ANKDD1A: variants seen among roughly 807,000 people sequenced by gnomAD.
ANKDD1A encodes the protein ankyrin repeat and death domain containing 1A.
In ANKDD1A, 59 loss-of-function variants were observed where a neutral mutation model predicts 63.5. The observed-to-expected ratio is 0.93, with a 90% CI of 0.75 to 1.15. The LOEUF (loss-of-function observed/expected upper bound fraction) is 1.15. Ranked by LOEUF, ANKDD1A falls within the 50% of genes most tolerant of loss-of-function variation. The probability of loss-of-function intolerance (pLI) is 0.00; values close to 1 mark genes in which losing one functional copy is unlikely to be tolerated. For synonymous variants in ANKDD1A, 266 were observed against 263.9 expected, an observed-to-expected ratio of 1.01 and a Z score of -0.08; for missense variants, 632 against 656.4, an observed-to-expected ratio of 0.96 and a Z score of 0.41.
At chr15:64,949,730 TCCCA>T in intron 13 of ANKDD1A, 107 bp from the exon 14 acceptor site, 2 of 1,495,938 alleles carry the variant, frequency 1.3e-6, no homozygotes, top group Non-Finnish European at 1.8e-6. Context: ...TTGGCCTCTT[TCCCA>T]CCTGGGCATG....
At chr15:64,913,579 C>T (rs1204410810) in intron 1 of ANKDD1A, among the ~76,000 whole-genome samples, 1 of 152,140 alleles carries the variant, frequency 6.6e-6, no homozygotes, top group Non-Finnish European at 1.5e-5. Context: ...AGAGTTGAAC[C>T]CAGGACTGTG....
intron 14 of ANKDD1A, among the ~76,000 whole-genome samples, chr15:64,952,151 CTCTT>C (rs886635712): frequency 2.2e-5 from 3 of 135,878 alleles, no homozygotes; most frequent in African/African-American, 5.3e-5. Context: ...ATTCTTCTTC[CTCTT>C]TCTTCATCTT....
At position 64,915,872 on chromosome 15, in the gene ANKDD1A, G is replaced by A. The variant is rs2084964887; in HGVS notation, c.110G>A (p.Arg37Lys). The change falls in exon 2 of 15, where the codon AGG (arginine) becomes AAG (lysine). Residue 37 changes from arginine (R) to lysine (K), a missense_variant. By Grantham distance (26) the Arg-to-Lys change is conservative (BLOSUM62 2). Coordinates refer to ENST00000319580, the MANE Select transcript of ANKDD1A (RefSeq NM_182703.6). ...NVGRMQELIG[R>K]RVNTRARNHV... ...GGCAGGATGCAGGAGCTGATTGGGA[G>A]GAGGGTTAACACCAGGGCCAGAAAC... 6.8e-6 allele frequency: 11 copies of A among 1,613,972 alleles called. No individual in the cohort carries two copies. Among genetic ancestry groups the A allele is most frequent in the Non-Finnish European group, 9.3e-6 (11 of 1,179,928 alleles).
intron 9 of ANKDD1A, among the ~76,000 whole-genome samples, chr15:64,937,872 A>T (rs2085147870): frequency 6.6e-6 from 1 of 152,212 alleles, no homozygotes; most frequent in African/African-American, 2.4e-5. Flanking sequence ...TTCTTTGGGA[A>T]AATGGCTCAG....
chr15:64,921,778 A>T, intron 3 of ANKDD1A, 143 bp from the exon 4 acceptor site: 1 of 625,970 alleles, frequency 1.6e-6, no homozygotes, highest in South Asian at 2.4e-5. Context: ...TGGTCTTTAA[A>T]CTCCTAAAGC....
At chr15:64,934,049 C>G in intron 8 of ANKDD1A, 87 bp from the exon 9 acceptor site, 2 of 1,143,506 alleles carry the variant, frequency 1.7e-6, no homozygotes, top group Non-Finnish European at 2.5e-6. Context: ...TTGTGACACT[C>G]AAATGGAAAA....
intron 13 of ANKDD1A, among the ~76,000 whole-genome samples, chr15:64,949,610 A>C (rs574567508): frequency 2.0e-5 from 3 of 152,302 alleles, no homozygotes; most frequent in African/African-American, 7.2e-5. Flanking sequence ...GAGGTTCTAG[A>C]GACCAAGACA....
intron 1 of ANKDD1A, among the ~76,000 whole-genome samples, 177 bp downstream of exon 1, chr15:64,912,141 C>T (rs2084936101): frequency 6.6e-6 from 1 of 152,122 alleles, no homozygotes; most frequent in Non-Finnish European, 1.5e-5. Context: ...GGGGACCTTG[C>T]CAGTGCGTCT....
chr15:64,927,255 G>A (rs1332333727), intron 6 of ANKDD1A, among the ~76,000 whole-genome samples: 3 of 152,244 alleles, frequency 2.0e-5, no homozygotes, highest in Non-Finnish European at 4.4e-5. Flanking sequence ...AGTGCCACAG[G>A]CATAGTAAGG....
At chr15:64,954,272 TTTCTTCTTCC>T (rs2085379035) in intron 14 of ANKDD1A, among the ~76,000 whole-genome samples, 1 of 147,608 alleles carries the variant, frequency 6.8e-6, no homozygotes, top group South Asian at 2.1e-4. Flanking sequence ...CTTCTTTTCC[TTTCTTCTTCC>T]TTCTTAGTTC....
chr15:64,952,831 T>C (rs2085321999), intron 14 of ANKDD1A, among the ~76,000 whole-genome samples: 1 of 136,032 alleles, frequency 7.4e-6, no homozygotes, highest in Non-Finnish European at 1.6e-5. Context: ...CTCCTCCTTC[T>C]TCCTTTCTTC....
chr15:64,921,050 A>G (rs111756566), intron 3 of ANKDD1A, among the ~76,000 whole-genome samples: 46 of 152,004 alleles, frequency 3.0e-4, no homozygotes, highest in African/African-American at 1.0e-3. Context: ...AGCTCACTGT[A>G]GCCTCTACCT....
intron 12 of ANKDD1A, among the ~76,000 whole-genome samples, chr15:64,945,635 C>CTT (rs1264262046): frequency 0.022 from 1,838 of 85,360 alleles, 84 homozygotes; most frequent in South Asian, 0.056. Context: ...TATATATGAA[C>CTT]TTTTTTTTTT....
Position 64,949,927 on chromosome 15 carries a change from G to A in ANKDD1A, c.1438G>A (p.Ala480Thr), listed in dbSNP as rs761093641. The A allele has an allele frequency of 7.3e-5, 118 of 1,609,464 alleles. No homozygotes were observed. Among genetic ancestry groups the A allele is most frequent in the Non-Finnish European group, 9.7e-5 (115 of 1,180,000 alleles). ...VATAGENPSK[A>T]LFEGLVAIGR... ...CACGGCTGGTGAGAACCCCAGCAAA[G>A]CGCTGTTCGAGGGCCTCGTGGCCAT... Residue 480 changes from alanine (A) to threonine (T), a missense_variant, in exon 14 of 15, where the codon GCG becomes ACG. Physicochemically the swap from Ala to Thr is moderately conservative, Grantham distance 58. Transcript: ENST00000319580.
chr15:64,942,229 T>C (rs60220315), intron 9 of ANKDD1A, among the ~76,000 whole-genome samples: 150,214 of 152,256 alleles, frequency 0.99, 74,126 homozygotes, highest in Middle Eastern at 1. Context: ...GAGTTCCTGA[T>C]ATAGCAGGTC....
chr15:64,912,317 G>A lies in ANKDD1A; in HGVS notation c.34+353G>A, dbSNP rs1194263223. Among the ~76,000 whole-genome samples, 5 of 152,238 alleles carry A rather than the reference G, an allele frequency of 3.3e-5. 1 individual carries two copies. The highest frequency in any genetic ancestry group is 7.3e-5 in the Non-Finnish European group (5 of 68,046). ...GATCTTCGCTGCGGCCATATGGGTA[G>A]GACATTATGTTATCTTCATTTCGCA... On this transcript the variant is annotated intron_variant, in intron 1 of 14. Coordinates refer to ENST00000319580, the MANE Select transcript of ANKDD1A (RefSeq NM_182703.6).
In ANKDD1A at chr15:64,934,202, C is replaced by T; in HGVS notation, c.835C>T (p.His279Tyr). ...GSEDVSRVLI[H>Y]AGGCANVVDH... ...GGAGGATGTGTCTCGGGTCCTCATC[C>T]ACGCAGGAGGCTGCGCCAACGTGGT... Residue 279 changes from histidine to tyrosine, a missense_variant, in exon 9 of 15, where the codon CAC becomes TAC. Coordinates refer to ENST00000319580, the MANE Select transcript of ANKDD1A (RefSeq NM_182703.6). 1 of 1,612,350 alleles carries T rather than the reference C, an allele frequency of 6.2e-7. No individual in the cohort carries two copies. The highest frequency in any genetic ancestry group is 8.5e-7 in the Non-Finnish European group (1 of 1,179,192).
intron 2 of ANKDD1A, 63 bp downstream of exon 2, chr15:64,915,963 A>C (rs1011857325): frequency 2.7e-6 from 4 of 1,487,702 alleles, no homozygotes; most frequent in Non-Finnish European, 3.7e-6. Flanking sequence ...GCCAGTACAC[A>C]GGGGGAATAG....
At chr15:64,954,709 TCTTCTC>T (rs1465251285) in intron 14 of ANKDD1A, among the ~76,000 whole-genome samples, 7 of 109,664 alleles carry the variant, frequency 6.4e-5, no homozygotes, top group Admixed American at 4.0e-4. Flanking sequence ...TTCTCCTTCT[TCTTCTC>T]CTTCTCCTCC....
Sources: gnomAD v4.1 joint callset for allele counts (sites outside exome capture counted in the v4.1 genomes callset) on GRCh38, gnomAD v4.1.1 for gene constraint, MANE v1.5 for transcripts, NCBI Gene and HGNC (gene_info 2026-07-23, HGNC 2026-07-21) for gene names.